The following KCNIP4 variants were observed in gnomAD, a reference collection of about 807,000 sequenced individuals.
KCNIP4 encodes potassium voltage-gated channel interacting protein 4, also known as Kv channel-interacting protein 4.
Under a neutral mutation model 34.0 loss-of-function variants are expected in KCNIP4, and 12 were observed. That is an observed-to-expected ratio of 0.35 (90% CI 0.23 to 0.57). KCNIP4 has a LOEUF of 0.57. Among genes scored for constraint, KCNIP4 ranks in the 20% least tolerant of loss-of-function variants. KCNIP4 has a pLI of 0.83. For synonymous variants in KCNIP4, 124 were observed against 102.2 expected, an observed-to-expected ratio of 1.21 and a Z score of -1.29; for missense variants, 238 against 311.7, an observed-to-expected ratio of 0.76 and a Z score of 1.78.
At chr4:21,505,524 T>C (rs1433426156) in intron 1 of KCNIP4, among the ~76,000 whole-genome samples, 1 of 152,220 alleles carries the variant, frequency 6.6e-6, no homozygotes, top group Non-Finnish European at 1.5e-5. Flanking sequence ...GCCTGGGACT[T>C]CTGGCTTCCC....
chr4:21,186,712 C>A (rs1446210765), intron 1 of KCNIP4, among the ~76,000 whole-genome samples: 1 of 152,082 alleles, frequency 6.6e-6, no homozygotes, highest in African/African-American at 2.4e-5. Flanking sequence ...TGGTGCAGTC[C>A]CATCTCACAG....
At chr4:20,903,742 C>T (rs1046823214) in intron 1 of KCNIP4, among the ~76,000 whole-genome samples, 3 of 152,100 alleles carry the variant, frequency 2.0e-5, no homozygotes, top group Non-Finnish European at 2.9e-5. Context: ...CTGAGGGCTG[C>T]GTCACGGGCC....
intron 1 of KCNIP4, among the ~76,000 whole-genome samples, chr4:21,502,640 T>A (rs1733465259): frequency 6.6e-6 from 1 of 152,172 alleles, no homozygotes; most frequent in South Asian, 2.1e-4. Context: ...TTATCCGAAA[T>A]GTTGTTACTT....
intron 1 of KCNIP4, among the ~76,000 whole-genome samples, chr4:21,781,675 T>TAAAAAGAAAAAA (rs1719582987): frequency 1.3e-5 from 2 of 152,128 alleles, no homozygotes; most frequent in Non-Finnish European, 2.9e-5. Flanking sequence ...AAATTATAAA[T>TAAAAAGAAAAAA]AAAATAGACT....
At chr4:20,989,785 A>G (rs942664450) in intron 1 of KCNIP4, among the ~76,000 whole-genome samples, 5 of 152,100 alleles carry the variant, frequency 3.3e-5, no homozygotes, top group African/African-American at 7.2e-5. Flanking sequence ...CCCGGGCAAC[A>G]TGGAGAAACC....
At chr4:21,776,727 T>C (rs1343470257) in intron 1 of KCNIP4, among the ~76,000 whole-genome samples, 2 of 152,092 alleles carry the variant, frequency 1.3e-5, no homozygotes, top group Non-Finnish European at 2.9e-5. Flanking sequence ...GCTTCCTTCA[T>C]GCTGTTTTTG....
chr4:21,527,964 A>G (rs921022944), intron 1 of KCNIP4, among the ~76,000 whole-genome samples: 1 of 152,174 alleles, frequency 6.6e-6, no homozygotes, highest in East Asian at 1.9e-4. Flanking sequence ...AGAAGCTGGA[A>G]CATTGCCTAA....
At chr4:20,765,911 G>C (rs993057040) in intron 3 of KCNIP4, among the ~76,000 whole-genome samples, 1 of 152,204 alleles carries the variant, frequency 6.6e-6, no homozygotes, top group Non-Finnish European at 1.5e-5. Flanking sequence ...TGAGGGTCAA[G>C]ATTAGTTGTA....
chr4:21,801,806 C>T (rs915976992), intron 1 of KCNIP4, among the ~76,000 whole-genome samples: 7 of 151,540 alleles, frequency 4.6e-5, no homozygotes, highest in African/African-American at 1.7e-4. Context: ...TATAGCTGCA[C>T]AGCACCAGGA....
At chr4:21,065,951 T>C (rs1744344651) in intron 1 of KCNIP4, among the ~76,000 whole-genome samples, 1 of 151,942 alleles carries the variant, frequency 6.6e-6, no homozygotes, top group South Asian at 2.1e-4. Context: ...CTTACCAAGA[T>C]ACTCACTTGT....
At chr4:21,911,900 T>A (rs9995524) in intron 1 of KCNIP4, among the ~76,000 whole-genome samples, 3 of 151,902 alleles carry the variant, frequency 2.0e-5, no homozygotes, top group Admixed American at 6.6e-5. Flanking sequence ...AAAAATTCCC[T>A]TTACATCTGA....
chr4:21,928,127 T>TATATATAC (rs141651426), intron 1 of KCNIP4, among the ~76,000 whole-genome samples: 36 of 143,976 alleles, frequency 2.5e-4, no homozygotes, highest in East Asian at 6.4e-4. Context: ...TATATATATA[T>TATATATAC]ACACACACAC....
chr4:21,877,542 T>A (rs1242153183), intron 1 of KCNIP4, among the ~76,000 whole-genome samples: 1 of 152,098 alleles, frequency 6.6e-6, no homozygotes, highest in Admixed American at 6.6e-5. Flanking sequence ...TTACTCTGTA[T>A]CTTAAGTCTC....
At chr4:21,867,016 T>C (rs10938863) in intron 1 of KCNIP4, among the ~76,000 whole-genome samples, 135,903 of 152,126 alleles carry the variant, frequency 0.89, 62,718 homozygotes, top group East Asian at 1. Context: ...TGTGATCCAA[T>C]GGCCTCGGCT....
At chr4:20,919,407 TA>T (rs10653275) in intron 1 of KCNIP4, among the ~76,000 whole-genome samples, 1 of 148,370 alleles carries the variant, frequency 6.7e-6, no homozygotes, top group African/African-American at 2.5e-5. Context: ...TTTTCCACAT[TA>T]AAAAAAAAAG....
At chr4:21,012,799 A>G (rs1739170322) in intron 1 of KCNIP4, among the ~76,000 whole-genome samples, 1 of 152,188 alleles carries the variant, frequency 6.6e-6, no homozygotes, top group Non-Finnish European at 1.5e-5. Flanking sequence ...CTTTGAAAAC[A>G]TATCTGTTCT....
chr4:20,876,990 A>G (rs1165864099), intron 2 of KCNIP4, among the ~76,000 whole-genome samples: 1 of 152,048 alleles, frequency 6.6e-6, no homozygotes, highest in African/African-American at 2.4e-5. Context: ...AGATCTACAG[A>G]CTCTGGAAAA....
chr4:20,985,871 AC>A (rs1189014884), intron 1 of KCNIP4, among the ~76,000 whole-genome samples: 2 of 152,190 alleles, frequency 1.3e-5, no homozygotes, highest in Admixed American at 6.5e-5. Flanking sequence ...ATTATAGTAT[AC>A]CATGCTCAAG....
intron 1 of KCNIP4, among the ~76,000 whole-genome samples, chr4:21,386,286 A>G (rs1352514022): frequency 6.6e-6 from 1 of 152,162 alleles, no homozygotes; most frequent in Non-Finnish European, 1.5e-5. Flanking sequence ...AAGTTCCTCA[A>G]ATAGTATATA....
Sources: gnomAD v4.1 joint callset for allele counts (sites outside exome capture counted in the v4.1 genomes callset) on GRCh38, gnomAD v4.1.1 for gene constraint, MANE v1.5 for transcripts, NCBI Gene and HGNC (gene_info 2026-07-23, HGNC 2026-07-21) for gene names.